Variants in BRWD1 observed in about 807,000 individuals in gnomAD.
BRWD1 encodes the protein bromodomain and WD repeat-containing protein 1.
BRWD1 carries 82 observed loss-of-function variants against 251.2 expected under a neutral mutation model. The ratio of observed to expected loss-of-function variants is 0.33; its 90% CI spans 0.27 to 0.39. The LOEUF (loss-of-function observed/expected upper bound fraction) is 0.39. Among genes scored for constraint, BRWD1 ranks in the 10% least tolerant of loss-of-function variants. The pLI, the probability that BRWD1 is intolerant of heterozygous loss-of-function variation, is 1.00. For missense variants in BRWD1, 2,233 were observed against 2,711.6 expected, an observed-to-expected ratio of 0.82 and a Z score of 3.92; for synonymous variants, 918 against 902.8, an observed-to-expected ratio of 1.02 and a Z score of -0.30.
chr21:39,317,081 C>T (rs2036706429), upstream of BRWD1: 1 of 152,156 alleles, frequency 6.6e-6, no homozygotes, highest in African/African-American at 2.4e-5. Context: ...AATATCTTCC[C>T]GATTCGACTC....
chr21:39,221,709 G>A (rs887977089), intron 29 of BRWD1, among the ~76,000 whole-genome samples: 13 of 152,166 alleles, frequency 8.5e-5, no homozygotes, highest in African/African-American at 3.1e-4. Context: ...GCCAACGCAG[G>A]CATATCACTT....
At chr21:39,261,891 C>T (rs2034761541) in intron 17 of BRWD1, among the ~76,000 whole-genome samples, 1 of 152,128 alleles carries the variant, frequency 6.6e-6, no homozygotes, top group African/African-American at 2.4e-5. Flanking sequence ...ATACTCTACA[C>T]TTAATAGAGT....
intron 7 of BRWD1, 122 bp downstream of exon 7, chr21:39,295,621 A>T: frequency 1.4e-6 from 1 of 714,216 alleles, no homozygotes; most frequent in South Asian, 3.2e-5. Flanking sequence ...TGAGACCCAC[A>T]CCATACCTAC....
intron 4 of BRWD1, among the ~76,000 whole-genome samples, chr21:39,301,393 T>C (rs1057130116): frequency 2.0e-5 from 3 of 152,294 alleles, no homozygotes; most frequent in Admixed American, 2.0e-4. Context: ...TCAGCTTTCA[T>C]CTTTTGATAA....
chr21:39,240,896 A>G (rs1269236721), intron 21 of BRWD1, among the ~76,000 whole-genome samples: 9 of 141,006 alleles, frequency 6.4e-5, no homozygotes, highest in African/African-American at 2.4e-4. Flanking sequence ...CAGGGTAAGT[A>G]AATCTTTTTT....
chr21:39,239,347 T>C (rs1275471571), intron 21 of BRWD1, among the ~76,000 whole-genome samples: 1 of 152,208 alleles, frequency 6.6e-6, no homozygotes, highest in Non-Finnish European at 1.5e-5. Flanking sequence ...TTATGATTCA[T>C]TTTGAGTTAA....
intron 36 of BRWD1, among the ~76,000 whole-genome samples, chr21:39,209,436 GAAAAAAA>G (rs779201176): frequency 9.5e-4 from 117 of 123,118 alleles, no homozygotes; most frequent in African/African-American, 3.0e-3. Context: ...GAGTAGGCTA[GAAAAAAA>G]AAAAAAAGAA....
chr21:39,287,294 G>C (rs1296722453), intron 8 of BRWD1, among the ~76,000 whole-genome samples: 2 of 152,226 alleles, frequency 1.3e-5, no homozygotes, highest in East Asian at 3.9e-4. Context: ...TTATTGAAAA[G>C]CTCTCCACCT....
At chr21:39,300,078 C>T (rs1015513337) in intron 4 of BRWD1, among the ~76,000 whole-genome samples, 1 of 152,100 alleles carries the variant, frequency 6.6e-6, no homozygotes, top group African/African-American at 2.4e-5. Context: ...TAAGAAAAAA[C>T]CACTCAAACC....
rs765761084 is a variant in BRWD1, at chr21:39,185,952, A to G, written c.*10307T>C. ...ACATATTAACAACAAATTAAATCCT[A>G]TTGTAAATACACTTCTTTGTTATAC... On this transcript the variant is annotated 3_prime_UTR_variant, in exon 41 of 41. Coordinates refer to ENST00000342449, the MANE Select transcript of BRWD1 (RefSeq NM_033656.4). The G allele has an allele frequency of 1.3e-5, 2 of 152,188 alleles. No individual in the cohort carries two copies. Among genetic ancestry groups the G allele is most frequent in the Non-Finnish European group, 2.9e-5 (2 of 68,004 alleles). The allele number at this position is 152,188 out of a possible 1,614,324, so 9.4% of individuals were successfully genotyped here. A position where few individuals can be genotyped will look rare whatever the true frequency, so the allele number is the denominator to read the frequency against.
At position 39,195,204 on chromosome 21, in the gene BRWD1, C is replaced by A; in HGVS notation, c.*1055G>T. 1 of 1,038,508 alleles carries A rather than the reference C, an allele frequency of 9.6e-7. No homozygotes were observed. The highest frequency in any genetic ancestry group is 1.2e-6 in the Non-Finnish European group (1 of 863,796). The allele number at this position is 1,038,508 out of a possible 1,614,324, so 64.3% of individuals were successfully genotyped here. On this transcript the variant is annotated 3_prime_UTR_variant, in exon 41 of 41. Transcript: ENST00000342449. ...TAGGATTGCACATGGAAGCAGTAAA[C>A]TAAAACAAAGAGATGGAGAATGACA...
Position 39,225,238 on chromosome 21 carries a change from A to T in BRWD1, c.3209-41T>A, listed in dbSNP as rs574915700. ...TCAAGTCTGAGGCATTTCTCTGCTAACATTCATTAACATTTTTTTAATCTA... is the reference window on the plus strand; with the variant it reads ...TCAAGTCTGAGGCATTTCTCTGCTATCATTCATTAACATTTTTTTAATCTA... On this transcript the variant is annotated intron_variant, in intron 27 of 40. Transcript: ENST00000342449. 22 of 1,338,844 alleles carry T rather than the reference A, an allele frequency of 1.6e-5. No individual in the cohort carries two copies. The South Asian group carries it at 2.2e-4, about 14-fold the overall frequency. 82.9% of individuals were successfully genotyped at this position (1,338,844 alleles called of 1,614,324 possible). A position where few individuals can be genotyped will look rare whatever the true frequency, so the allele number is the denominator to read the frequency against.
intron 36 of BRWD1, 80 bp from the exon 37 acceptor site, chr21:39,206,354 C>A: frequency 9.2e-7 from 1 of 1,087,330 alleles, no homozygotes; most frequent in East Asian, 2.6e-5. Flanking sequence ...ATTGAGATCC[C>A]TTGCAATGTA....
chr21:39,238,692 A>C, intron 21 of BRWD1, 119 bp from the exon 22 acceptor site: 1 of 656,490 alleles, frequency 1.5e-6, no homozygotes, highest in Non-Finnish European at 2.7e-6. Flanking sequence ...AATGAACAGT[A>C]ATCAGTAAAT....
At chr21:39,279,639 AAAAAAAAAAAAAAAAAAG>A (rs1336390075) in intron 9 of BRWD1, among the ~76,000 whole-genome samples, 5 of 74,478 alleles carry the variant, frequency 6.7e-5, no homozygotes, top group African/African-American at 1.3e-4. Context: ...ACTCCATCTC[AAAAAAAAAAAAAAAAAAG>A]AAAAAAAAAA....
chr21:39,225,307 C>CA, intron 27 of BRWD1, 110 bp from the exon 28 acceptor site: 1 of 740,470 alleles, frequency 1.4e-6, no homozygotes. Context: ...AAGCACAATA[C>CA]AAAAACAGGC....
At chr21:39,300,700 G>A (rs767086705) in intron 4 of BRWD1, among the ~76,000 whole-genome samples, 25 of 152,120 alleles carry the variant, frequency 1.6e-4, no homozygotes, top group Non-Finnish European at 3.4e-4. Flanking sequence ...AAAATGATGA[G>A]ATACACAACA....
In BRWD1 at chr21:39,247,701, A is replaced by T. The variant is rs1454545015; in HGVS notation, c.2481T>A (p.His827Gln). Residue 827 changes from histidine (H) to glutamine (Q), a missense_variant and splice_region_variant, in exon 21 of 41, where the codon CAT becomes CAA. Transcript: ENST00000342449. Reference sequence around the variant, plus strand: ...TAACATTTTAAAGTTTTCCACTCACATGTCTTACAGAGCTTGAAGACTCAT... The same window carrying T: ...TAACATTTTAAAGTTTTCCACTCACTTGTCTTACAGAGCTTGAAGACTCAT... ...SGNESSSSVR[H>Q]ETSCDQSEGS... is the part of the protein sequence containing the mutation. The T allele has an allele frequency of 6.3e-7, 1 of 1,599,502 alleles. No individual in the cohort carries two copies. Among genetic ancestry groups the T allele is most frequent in the East Asian group, 2.2e-5 (1 of 44,622 alleles).
intron 36 of BRWD1, among the ~76,000 whole-genome samples, chr21:39,207,303 C>T (rs1000954758): frequency 2.0e-5 from 3 of 151,862 alleles, no homozygotes; most frequent in African/African-American, 4.8e-5. Flanking sequence ...GGCATGGTGG[C>T]GCAAGCCTGT....
Sources: allele counts gnomAD v4.1 joint callset (sites outside exome capture counted in the v4.1 genomes callset), GRCh38; gene constraint gnomAD v4.1.1; transcripts MANE v1.5; gene names NCBI Gene and HGNC (gene_info 2026-07-23, HGNC 2026-07-21).